ROBO2: variants seen among roughly 807,000 people sequenced by gnomAD.
ROBO2 encodes roundabout guidance receptor 2, also known as roundabout homolog 2.
Under a neutral mutation model 160.8 loss-of-function variants are expected in ROBO2, and 53 were observed. That is an observed-to-expected ratio of 0.33 (90% CI 0.26 to 0.41). The LOEUF (loss-of-function observed/expected upper bound fraction) is 0.41, where lower values mean the gene tolerates loss of function less well. Ranked by LOEUF, ROBO2 falls within the 10% of genes least tolerant of loss-of-function variation. The pLI, the probability that ROBO2 is intolerant of heterozygous loss-of-function variation, is 1.00. For missense variants in ROBO2, 1,577 were observed against 1,722.4 expected, an observed-to-expected ratio of 0.92 and a Z score of 1.49; for synonymous variants, 664 against 611.7, an observed-to-expected ratio of 1.09 and a Z score of -1.26.
intron 2 of ROBO2, among the ~76,000 whole-genome samples, chr3:76,213,890 GA>G (rs1262426802): frequency 6.6e-6 from 1 of 151,070 alleles, no homozygotes; most frequent in East Asian, 2.1e-4. Flanking sequence ...TAGAAAAATA[GA>G]ACCAATAGGA....
Position 76,693,902 on chromosome 3 carries a change from A to G in ROBO2, c.110-404112A>G, listed in dbSNP as rs560565651. Among the ~76,000 whole-genome samples, 16 of 152,304 alleles carry G rather than the reference A, an allele frequency of 1.1e-4. No homozygotes were observed. In the South Asian group the frequency reaches 3.3e-3, roughly 32 times the overall value. On this transcript the variant is annotated intron_variant, in intron 2 of 26. Coordinates refer to the ROBO2 transcript ENST00000487694. ...GAGCTTCAGTCTCCTTACTCAGTTC[A>G]TTGATTCAAGTATCAGTCTCTCCTG...
chr3:76,993,779 C>A lies in ROBO2; in HGVS notation c.110-104235C>A, dbSNP rs2060827249. Among the ~76,000 whole-genome samples, 3 of 151,934 alleles carry A rather than the reference C, an allele frequency of 2.0e-5. No individual in the cohort carries two copies. In the South Asian group the frequency reaches 6.2e-4, roughly 32 times the overall value. On this transcript the variant is annotated intron_variant, in intron 2 of 26. Coordinates refer to the ROBO2 transcript ENST00000487694. Reference sequence around the variant, plus strand: ...CCCATGGGAGTTATGTGTTTTCAGTCTTAGGATATTTATCTCCAAATACCC... The same window carrying A: ...CCCATGGGAGTTATGTGTTTTCAGTATTAGGATATTTATCTCCAAATACCC...
intron 2 of ROBO2, among the ~76,000 whole-genome samples, chr3:76,627,892 A>G (rs1018561262): frequency 3.3e-5 from 5 of 152,104 alleles, no homozygotes; most frequent in African/African-American, 9.7e-5. Context: ...ATATTTTCCT[A>G]TGTATGTGAA....
intron 2 of ROBO2, among the ~76,000 whole-genome samples, chr3:76,581,500 T>G (rs1246825501): frequency 1.3e-5 from 2 of 151,854 alleles, no homozygotes; most frequent in Non-Finnish European, 2.9e-5. Context: ...CAGCTAGGTG[T>G]GGTAGCACAT....
chr3:76,562,059 G>C (rs2084214285), intron 2 of ROBO2, among the ~76,000 whole-genome samples: 2 of 151,918 alleles, frequency 1.3e-5, no homozygotes, highest in Admixed American at 6.6e-5. Flanking sequence ...CATCTCTTGA[G>C]CCTAGCATCT....
intron 2 of ROBO2, among the ~76,000 whole-genome samples, chr3:75,955,102 G>GCTAGTAC (rs1191857306): frequency 6.6e-6 from 1 of 151,752 alleles, no homozygotes; most frequent in Admixed American, 6.6e-5. Flanking sequence ...TGTTTGTTTT[G>GCTAGTAC]CTAGTACCAA....
chr3:76,661,277 A>G (rs192747778), intron 2 of ROBO2, among the ~76,000 whole-genome samples: 74 of 152,310 alleles, frequency 4.9e-4, no homozygotes, highest in Non-Finnish European at 8.8e-4. Flanking sequence ...AAGTGACCTG[A>G]ACACTCTAAA....
At chr3:77,324,712 G>A (rs1337437732) in intron 2 of ROBO2, among the ~76,000 whole-genome samples, 1 of 151,250 alleles carries the variant, frequency 6.6e-6, no homozygotes, top group Non-Finnish European at 1.5e-5. Context: ...AACCTGGGAG[G>A]CGGAGCTTGC....
intron 2 of ROBO2, among the ~76,000 whole-genome samples, chr3:77,287,787 A>G (rs936508877): frequency 6.6e-6 from 1 of 152,258 alleles, no homozygotes; most frequent in Non-Finnish European, 1.5e-5. Flanking sequence ...TGTACTCCAC[A>G]TGTTCAGAAA....
intron 2 of ROBO2, among the ~76,000 whole-genome samples, chr3:76,961,246 A>AG (rs1559767560): frequency 8.5e-5 from 12 of 141,202 alleles, no homozygotes; most frequent in African/African-American, 3.2e-4. Flanking sequence ...TGTGCCACAG[A>AG]GAAAAAAAAA....
intron 2 of ROBO2, among the ~76,000 whole-genome samples, chr3:76,383,359 G>A (rs2076728136): frequency 6.6e-6 from 1 of 152,110 alleles, no homozygotes; most frequent in African/African-American, 2.4e-5. Context: ...GCTTCCAGAT[G>A]AGATACATAA....
intron 2 of ROBO2, among the ~76,000 whole-genome samples, chr3:77,328,077 A>AG (rs979834146): frequency 5.5e-5 from 8 of 145,880 alleles, no homozygotes; most frequent in South Asian, 2.2e-4. Context: ...AAAAAAAAAA[A>AG]AAAGAAAAGA....
chr3:77,270,908 G>T (rs2059444443), intron 2 of ROBO2, among the ~76,000 whole-genome samples: 1 of 150,296 alleles, frequency 6.7e-6, no homozygotes, highest in Non-Finnish European at 1.5e-5. Flanking sequence ...GTGCCATTGT[G>T]CTTCAGCCTG....
rs371194711 is a variant in ROBO2 at position 76,382,666 on chromosome 3, TAAAG to T, written c.109+445069_109+445072del. Among the ~76,000 whole-genome samples the T allele has an allele frequency of 2.0e-3, 300 of 152,324 alleles. 1 individual carries two copies. The highest frequency in any genetic ancestry group is 6.7e-3 in the African/African-American group (280 of 41,580). On this transcript the variant is annotated intron_variant, in intron 2 of 26. Transcript: ENST00000487694. The stretch of plus-strand genomic sequence containing the variant: ...AATCTTCTATGATTGTTCAATCTGT[TAAAG>T]AAAGGCAATGAAGTGAATACTTTAG...
chr3:77,644,001 A>G (rs966930507), intron 24 of ROBO2, among the ~76,000 whole-genome samples: 2 of 152,152 alleles, frequency 1.3e-5, no homozygotes, highest in African/African-American at 4.8e-5. Context: ...TGAAAGACAG[A>G]GGGGATGGGG....
intron 6 of ROBO2, among the ~76,000 whole-genome samples, chr3:77,535,282 C>A (rs2092021713): frequency 6.6e-6 from 1 of 151,334 alleles, no homozygotes; most frequent in Admixed American, 6.6e-5. Context: ...ATGTGATCAG[C>A]CCTCGTGGTT....
intron 2 of ROBO2, among the ~76,000 whole-genome samples, chr3:77,451,555 T>C (rs1421057604): frequency 1.3e-5 from 2 of 152,054 alleles, no homozygotes; most frequent in African/African-American, 4.8e-5. Flanking sequence ...TTGCCCAAAG[T>C]GCAGTTTTAT....
At chr3:76,072,927 T>C (rs190761213) in intron 2 of ROBO2, among the ~76,000 whole-genome samples, 1 of 152,338 alleles carries the variant, frequency 6.6e-6, no homozygotes, top group African/African-American at 2.4e-5. Context: ...AAATCAATAA[T>C]AGAAAGTACC....
At chr3:76,905,592 TC>T in intron 2 of ROBO2, among the ~76,000 whole-genome samples, 1 of 152,166 alleles carries the variant, frequency 6.6e-6, no homozygotes. Flanking sequence ...CAGTCCCTTT[TC>T]ACTGTCCTGG....
Sources: allele counts gnomAD v4.1 joint callset (sites outside exome capture counted in the v4.1 genomes callset), GRCh38; gene constraint gnomAD v4.1.1; transcripts MANE v1.5; gene names NCBI Gene and HGNC (gene_info 2026-07-23, HGNC 2026-07-21).